ZDHHC14: variants seen among roughly 807,000 people sequenced by gnomAD.
ZDHHC14 encodes the protein palmitoyltransferase ZDHHC14.
In ZDHHC14, 16 loss-of-function variants were observed where a neutral mutation model predicts 47.7. The ratio of observed to expected loss-of-function variants is 0.34; its 90% CI spans 0.23 to 0.51. ZDHHC14 has a LOEUF of 0.51. ZDHHC14 is among the 20% of genes least tolerant of loss of function. ZDHHC14 has a pLI of 0.97. For missense variants in ZDHHC14, 515 were observed against 662.5 expected (o/e 0.78, Z 2.44); for synonymous variants, 293 against 278.9 (o/e 1.05, Z -0.50).
At chr6:157,484,107 A>G (rs1405276935) in intron 1 of ZDHHC14, among the ~76,000 whole-genome samples, 2 of 151,502 alleles carry the variant, frequency 1.3e-5, no homozygotes, top group East Asian at 3.9e-4. Flanking sequence ...ACACACAGAC[A>G]CAAAGAGGGG....
intron 2 of ZDHHC14, among the ~76,000 whole-genome samples, chr6:157,551,382 G>A (rs1782226003): frequency 6.6e-6 from 1 of 152,202 alleles, no homozygotes; most frequent in Non-Finnish European, 1.5e-5. Flanking sequence ...TGACAACAGA[G>A]CCAATCAGTG....
At chr6:157,386,238 G>C (rs1399365573) in intron 1 of ZDHHC14, among the ~76,000 whole-genome samples, 1 of 152,168 alleles carries the variant, frequency 6.6e-6, no homozygotes, top group African/African-American at 2.4e-5. Flanking sequence ...CGGGCACAGT[G>C]GTTCACGCCT....
chr6:157,642,717 T>TA (rs1274059429), intron 5 of ZDHHC14, among the ~76,000 whole-genome samples: 6 of 152,296 alleles, frequency 3.9e-5, no homozygotes, highest in African/African-American at 9.6e-5. Flanking sequence ...TTTCTCTTTC[T>TA]AAAAAAAGAC....
At chr6:157,603,569 A>G (rs9365159) in intron 3 of ZDHHC14, among the ~76,000 whole-genome samples, 44,787 of 151,986 alleles carry the variant, frequency 0.29, 7,131 homozygotes, top group East Asian at 0.56. Context: ...AAGTGAGCTG[A>G]TGACAGGTAG....
intron 1 of ZDHHC14, among the ~76,000 whole-genome samples, chr6:157,525,401 A>C (rs1460634538): frequency 6.6e-6 from 1 of 152,042 alleles, no homozygotes; most frequent in East Asian, 1.9e-4. Flanking sequence ...CCTGGGCTCC[A>C]GTGATCCCCC....
chr6:157,568,199 T>A (rs1353753589), intron 2 of ZDHHC14, among the ~76,000 whole-genome samples: 1 of 152,196 alleles, frequency 6.6e-6, no homozygotes, highest in African/African-American at 2.4e-5. Flanking sequence ...TTATGCCTAT[T>A]TCCAAACTGT....
chr6:157,609,951 G>C (rs1784687188), intron 3 of ZDHHC14, among the ~76,000 whole-genome samples: 1 of 152,226 alleles, frequency 6.6e-6, no homozygotes, highest in South Asian at 2.1e-4. Flanking sequence ...GAACTGGGGA[G>C]TAATCTCACA....
At chr6:157,633,370 C>T (rs990588650) in intron 5 of ZDHHC14, among the ~76,000 whole-genome samples, 5 of 152,096 alleles carry the variant, frequency 3.3e-5, no homozygotes, top group African/African-American at 1.2e-4. Context: ...CTTTTAAACC[C>T]TGAATAGATT....
At chr6:157,578,432 A>G (rs1783388449) in intron 2 of ZDHHC14, among the ~76,000 whole-genome samples, 2 of 152,198 alleles carry the variant, frequency 1.3e-5, no homozygotes. Context: ...GTCCAGCACC[A>G]TTTATTGAAT....
intron 1 of ZDHHC14, among the ~76,000 whole-genome samples, chr6:157,462,139 A>G (rs1018533145): frequency 6.6e-6 from 1 of 152,182 alleles, no homozygotes; most frequent in African/African-American, 2.4e-5. Context: ...CAGCCTCTTC[A>G]GTGTCCTCTG....
chr6:157,459,943 G>A (rs1425553095), intron 1 of ZDHHC14, among the ~76,000 whole-genome samples: 1 of 151,328 alleles, frequency 6.6e-6, no homozygotes, highest in Non-Finnish European at 1.5e-5. Context: ...CGGGCGTGGT[G>A]TCTCATGCCT....
At chr6:157,393,212 C>G (rs772524996) in intron 1 of ZDHHC14, among the ~76,000 whole-genome samples, 2 of 152,174 alleles carry the variant, frequency 1.3e-5, no homozygotes, top group Non-Finnish European at 2.9e-5. Flanking sequence ...CTTTAGCACA[C>G]TATTTAAAAA....
intron 1 of ZDHHC14, among the ~76,000 whole-genome samples, chr6:157,447,525 C>T (rs960668573): frequency 6.6e-6 from 1 of 151,996 alleles, no homozygotes; most frequent in Non-Finnish European, 1.5e-5. Flanking sequence ...GAGGATGGGG[C>T]GATTAGTGCT....
intron 1 of ZDHHC14, among the ~76,000 whole-genome samples, chr6:157,397,539 C>T (rs1245621624): frequency 6.6e-6 from 1 of 152,188 alleles, no homozygotes; most frequent in Non-Finnish European, 1.5e-5. Context: ...CCTCTGCCCG[C>T]AGCCAGGAAG....
At chr6:157,644,371 C>A (rs1777413938) in intron 5 of ZDHHC14, among the ~76,000 whole-genome samples, 1 of 152,242 alleles carries the variant, frequency 6.6e-6, no homozygotes, top group South Asian at 2.1e-4. Context: ...CCACTGTAGC[C>A]ATTTGCCCAG....
intron 8 of ZDHHC14, among the ~76,000 whole-genome samples, chr6:157,668,141 AGT>A (rs1318748284): frequency 6.6e-6 from 1 of 152,220 alleles, no homozygotes; most frequent in African/African-American, 2.4e-5. Context: ...GCCTGATGCC[AGT>A]GCCCCTGCCC....
At chr6:157,484,431 C>A (rs974955775) in intron 1 of ZDHHC14, among the ~76,000 whole-genome samples, 1 of 142,464 alleles carries the variant, frequency 7.0e-6, no homozygotes, top group Non-Finnish European at 1.5e-5. Flanking sequence ...CATATATATA[C>A]GTATATATAC....
At chr6:157,623,564 A>G (rs1476922026) in intron 3 of ZDHHC14, among the ~76,000 whole-genome samples, 2 of 131,102 alleles carry the variant, frequency 1.5e-5, no homozygotes, top group Non-Finnish European at 3.1e-5. Context: ...TTTTTTTGAG[A>G]CAGAGTCTTG....
chr6:157,480,735 T>C (rs898690692), intron 1 of ZDHHC14, among the ~76,000 whole-genome samples: 1 of 152,248 alleles, frequency 6.6e-6, no homozygotes, highest in African/African-American at 2.4e-5. Context: ...ATCACCATGA[T>C]GGACATTGGT....
Sources: gnomAD v4.1 joint callset for allele counts (sites outside exome capture counted in the v4.1 genomes callset) on GRCh38, gnomAD v4.1.1 for gene constraint, MANE v1.5 for transcripts, NCBI Gene and HGNC (gene_info 2026-07-23, HGNC 2026-07-21) for gene names.